PASD1: variants seen among roughly 807,000 people sequenced by gnomAD.
PASD1 encodes PAS domain containing repressor 1, also known as circadian clock protein PASD1.
A neutral mutation model predicts 58.8 loss-of-function variants in PASD1; 13 were observed. The ratio of observed to expected loss-of-function variants is 0.22; its 90% CI spans 0.14 to 0.35. PASD1 has a LOEUF of 0.35. Ranked by LOEUF, PASD1 falls within the 10% of genes least tolerant of loss-of-function variation. The probability of loss-of-function intolerance (pLI) is 1.00; values close to 1 mark genes in which losing one functional copy is unlikely to be tolerated. For synonymous variants in PASD1, 236 were observed against 216.7 expected (o/e 1.09, Z -0.78); for missense variants, 734 against 568.3 (o/e 1.29, Z -2.96).
chrX:151,597,273 C>T (rs953885375), intron 1 of PASD1, among the ~76,000 whole-genome samples: 3 of 111,929 alleles, frequency 2.7e-5, no homozygotes, highest in African/African-American at 6.5e-5. Flanking sequence ...CATCCATTTG[C>T]GAAATCATCA....
In PASD1 at chrX:151,627,619, G is replaced by A. The variant is rs776015185; in HGVS notation, c.629+2089G>A. ...CAGTCTATCATTGATGGACATTTGGGCTGGTTCCAAGTCTTTGCTATTGTG... is the reference window on the plus strand; with the variant it reads ...CAGTCTATCATTGATGGACATTTGGACTGGTTCCAAGTCTTTGCTATTGTG... On this transcript the variant is annotated intron_variant, in intron 8 of 15. Transcript: ENST00000370357. Among the ~76,000 whole-genome samples, 6 of 111,854 alleles carry A rather than the reference G, an allele frequency of 5.4e-5. No individual in the cohort carries two copies. In the South Asian group the frequency reaches 2.3e-3, roughly 43 times the overall value.
chrX:151,670,240 G>C (rs113571088), intron 11 of PASD1, among the ~76,000 whole-genome samples: 2,937 of 111,290 alleles, frequency 0.026, 54 homozygotes, highest in Non-Finnish European at 0.04. Context: ...TTTTATAACT[G>C]AGTTCTGAGC....
chrX:151,580,867 ATGAG>A (rs1363813710), intron 1 of PASD1, among the ~76,000 whole-genome samples: 2 of 111,363 alleles, frequency 1.8e-5, no homozygotes, highest in Non-Finnish European at 3.8e-5. Context: ...CTTATTTTGA[ATGAG>A]TATTTTACCA....
intron 9 of PASD1, among the ~76,000 whole-genome samples, chrX:151,650,966 T>C (rs887574122): frequency 4.5e-5 from 5 of 111,619 alleles, no homozygotes; most frequent in Non-Finnish European, 9.4e-5. Context: ...CAGAGATCTG[T>C]GAGGGGCCCC....
At chrX:151,648,579 G>A in intron 8 of PASD1, 36 bp from the exon 9 acceptor site, 1 of 1,161,892 alleles carries the variant, frequency 8.6e-7, no homozygotes, top group East Asian at 3.0e-5. Flanking sequence ...TGGCGAGTGA[G>A]ATATGCTTAC....
At position 151,620,954 on chromosome X, in the gene PASD1, T is replaced by C; in HGVS notation, c.232T>C (p.Leu78=). ...LPAEIVGKKL[L]SLLPDEEKDE... is the part of the protein sequence containing the mutation. ...GGCTGAGATTGTGGGCAAAAAATTA[T>C]TAAGCCTTCTGCCTGATGAAGAGAA... The change falls in exon 5 of 16, where the codon TTA becomes CTA. Residue 78 remains leucine, a synonymous_variant. Transcript: ENST00000370357. The C allele has an allele frequency of 8.3e-7, 1 of 1,208,088 alleles. No individual in the cohort carries two copies.
At position 151,672,216 on chromosome X, in the gene PASD1, GAGCAGCAGCGGCAGCTGC is replaced by G. The variant is rs1271349200; in HGVS notation, c.1472_1489del (p.Glu491_Arg497delinsGly). ...GGTGCAGCAAGAACAACACCTGAAGGAGCAGCAGCGGCAGCTGCGGGAGCAGCTGCAACAGCTGAGAGA... is the reference window on the plus strand; with the variant it reads ...GGTGCAGCAAGAACAACACCTGAAGGGGGAGCAGCTGCAACAGCTGAGAGA... On this transcript the variant is annotated inframe_deletion, in exon 14 of 16. Coordinates refer to ENST00000370357, the MANE Select transcript of PASD1 (RefSeq NM_173493.3). 9.7e-6 allele frequency: 11 copies of G among 1,136,171 alleles called. No individual in the cohort carries two copies. Among genetic ancestry groups the G allele is most frequent in the Non-Finnish European group, 1.2e-5 (10 of 850,752 alleles). 93.6% of individuals were successfully genotyped at this position (1,136,171 alleles called of 1,213,427 possible).
In PASD1 at chrX:151,622,382, C is replaced by G. The variant is rs191240899; in HGVS notation, c.419-555C>G. 5.9e-4 allele frequency among the ~76,000 whole-genome samples: 65 copies of G among 110,316 alleles called. No homozygotes were observed. In the East Asian group the frequency reaches 0.013, roughly 21 times the overall value. ...AGCAAAGAATGAAACATTTAAAAAC[C>G]AGTGACATTAGCACTCTACACCCAT... On this transcript the variant is annotated intron_variant, in intron 6 of 15. Coordinates refer to ENST00000370357, the MANE Select transcript of PASD1 (RefSeq NM_173493.3).
intron 8 of PASD1, among the ~76,000 whole-genome samples, chrX:151,631,624 T>C (rs924826304): frequency 1.8e-5 from 2 of 111,397 alleles, no homozygotes; most frequent in East Asian, 5.7e-4. Context: ...TGCAAAGTCC[T>C]CAGAAACTCT....
chrX:151,571,018 GC>G (rs913559778), intron 1 of PASD1, among the ~76,000 whole-genome samples: 6 of 111,634 alleles, frequency 5.4e-5, no homozygotes, highest in Non-Finnish European at 9.4e-5. Flanking sequence ...TTGTCCAAAG[GC>G]CCCCTCATGA....
At chrX:151,579,672 TA>T (rs1455279061) in intron 1 of PASD1, among the ~76,000 whole-genome samples, 2 of 111,639 alleles carry the variant, frequency 1.8e-5, no homozygotes, top group Non-Finnish European at 3.8e-5. Context: ...ATTCATTGAA[TA>T]AAAATTATTG....
chrX:151,612,420 T>C (rs2013576505), intron 4 of PASD1, among the ~76,000 whole-genome samples: 1 of 109,085 alleles, frequency 9.2e-6, no homozygotes, highest in Non-Finnish European at 1.9e-5. Flanking sequence ...TGAACTAGTT[T>C]ACAGTCCCAC....
chrX:151,661,750 T>C (rs1323492625), intron 10 of PASD1, among the ~76,000 whole-genome samples: 1 of 79,207 alleles, frequency 1.3e-5, no homozygotes, highest in Non-Finnish European at 2.8e-5. Context: ...AGTGTCTCAT[T>C]CTTGCTTTTT....
intron 8 of PASD1, among the ~76,000 whole-genome samples, chrX:151,642,803 C>T (rs1397164743): frequency 8.9e-6 from 1 of 111,946 alleles, no homozygotes; most frequent in East Asian, 2.8e-4. Flanking sequence ...TTTCTATTAA[C>T]ATTTTAGGAA....
At chrX:151,604,335 G>T (rs774411354) in intron 2 of PASD1, among the ~76,000 whole-genome samples, 5 of 111,715 alleles carry the variant, frequency 4.5e-5, no homozygotes, top group African/African-American at 1.6e-4. Context: ...TATGGATACT[G>T]GGTTTTGGTA....
In PASD1 at chrX:151,592,382, G is replaced by A. The variant is rs143900433; in HGVS notation, c.-27-9145G>A. Among the ~76,000 whole-genome samples the A allele has an allele frequency of 8.2e-3, 918 of 111,667 alleles. 9 individuals are homozygous for A. Among genetic ancestry groups the A allele is most frequent in the Non-Finnish European group, 0.011 (601 of 53,094 alleles). ...ATTTCTGTGCAGTTTTGTTAAATTA[G>A]CTACTAAGCACTGGATAGTTTCCTT... On this transcript the variant is annotated intron_variant, in intron 1 of 15. Transcript: ENST00000370357.
rs375290678 is a variant in PASD1 at position 151,625,430 on chromosome X, A to G, written c.547-18A>G. On this transcript the variant is annotated intron_variant, in intron 7 of 15. Coordinates refer to ENST00000370357, the MANE Select transcript of PASD1 (RefSeq NM_173493.3). Reference sequence around the variant, plus strand: ...TTATATACATATTAAATGTCTAAATATTTGAATTTTTCTGCAGCAACTTTA... The same window carrying G: ...TTATATACATATTAAATGTCTAAATGTTTGAATTTTTCTGCAGCAACTTTA... 59 of 1,174,944 alleles carry G rather than the reference A, an allele frequency of 5.0e-5. No homozygotes were observed. Among genetic ancestry groups the G allele is most frequent in the Non-Finnish European group, 6.7e-5 (58 of 867,436 alleles).
chrX:151,639,890 A>G (rs1265388946), intron 8 of PASD1, among the ~76,000 whole-genome samples: 3 of 112,370 alleles, frequency 2.7e-5, no homozygotes, highest in Non-Finnish European at 3.7e-5. Context: ...TTTTCAGAAC[A>G]AAAAGAGAAA....
intron 4 of PASD1, among the ~76,000 whole-genome samples, chrX:151,620,211 A>G (rs771801061): frequency 4.7e-4 from 53 of 112,176 alleles, no homozygotes; most frequent in African/African-American, 1.7e-3. Context: ...AGCATTTTGT[A>G]TGCTTATGGG....
Sources: allele counts gnomAD v4.1 joint callset (sites outside exome capture counted in the v4.1 genomes callset), GRCh38; gene constraint gnomAD v4.1.1; transcripts MANE v1.5; gene names NCBI Gene and HGNC (gene_info 2026-07-23, HGNC 2026-07-21).